Variants in RDX observed in about 807,000 individuals in gnomAD.
RDX encodes radixin.
Under a neutral mutation model 83.7 loss-of-function variants are expected in RDX, and 32 were observed. The observed-to-expected ratio is 0.38, with a 90% CI of 0.29 to 0.51. RDX has a LOEUF of 0.51. Among genes scored for constraint, RDX ranks in the 20% least tolerant of loss-of-function variants. The pLI is 0.87. For synonymous variants in RDX, 229 were observed against 222.7 expected (o/e 1.03, Z -0.25); for missense variants, 600 against 689.9 (o/e 0.87, Z 1.46).
At chr11:110,294,377 G>C (rs1198907060) in intron 1 of RDX, among the ~76,000 whole-genome samples, 2 of 152,252 alleles carry the variant, frequency 1.3e-5, no homozygotes, top group Non-Finnish European at 1.5e-5. Context: ...CTGGGAGACA[G>C]AGCGAGATGG....
chr11:110,259,004 T>A (rs774352150), intron 5 of RDX, among the ~76,000 whole-genome samples: 3 of 151,874 alleles, frequency 2.0e-5, no homozygotes, highest in Non-Finnish European at 2.9e-5. Flanking sequence ...CCCAAGTAGC[T>A]GGGATTATAG....
chr11:110,274,860 A>T (rs2134410386), intron 2 of RDX, among the ~76,000 whole-genome samples: 1 of 152,326 alleles, frequency 6.6e-6, no homozygotes. Flanking sequence ...TTTGGCTATT[A>T]AGAACAATAC....
intron 1 of RDX, among the ~76,000 whole-genome samples, chr11:110,286,289 AG>A (rs1196480897): frequency 6.6e-6 from 1 of 152,240 alleles, no homozygotes; most frequent in Non-Finnish European, 1.5e-5. Context: ...AGATGCTGCC[AG>A]CCAGCAAACG....
At chr11:110,275,335 T>G (rs1017712922) in intron 2 of RDX, among the ~76,000 whole-genome samples, 11 of 152,232 alleles carry the variant, frequency 7.2e-5, no homozygotes, top group African/African-American at 2.7e-4. Flanking sequence ...AATCAATTTA[T>G]CTGGCTGGTT....
At chr11:110,215,349 C>T (rs1381311559) in intron 14 of RDX, among the ~76,000 whole-genome samples, 1 of 147,076 alleles carries the variant, frequency 6.8e-6, no homozygotes, top group Non-Finnish European at 1.5e-5. Context: ...GGCAACAGAG[C>T]GAGACTCCAT....
intron 11 of RDX, 35 bp from the exon 12 acceptor site, chr11:110,236,226 ACATATTT>A: frequency 6.7e-7 from 1 of 1,489,290 alleles, no homozygotes; most frequent in Non-Finnish European, 9.3e-7. Context: ...AATTAAAATA[ACATATTT>A]TGAATAATCT....
intron 9 of RDX, among the ~76,000 whole-genome samples, chr11:110,249,610 G>C (rs1859246022): frequency 6.6e-6 from 1 of 152,154 alleles, no homozygotes; most frequent in Admixed American, 6.5e-5. Flanking sequence ...TAGAGAGGCT[G>C]GGCATGGTGG....
intron 14 of RDX, among the ~76,000 whole-genome samples, chr11:110,222,470 G>T (rs1864282322): frequency 6.6e-6 from 1 of 152,166 alleles, no homozygotes; most frequent in African/African-American, 2.4e-5. Context: ...CAAAATGGAA[G>T]TATTATCTCA....
chr11:110,271,842 G>A (rs1159925714), intron 3 of RDX, among the ~76,000 whole-genome samples: 2 of 152,096 alleles, frequency 1.3e-5, no homozygotes, highest in African/African-American at 4.8e-5. Flanking sequence ...TACAGGTTGA[G>A]CATCCCTAAT....
chr11:110,243,503 G>A (rs1475853400), intron 10 of RDX, among the ~76,000 whole-genome samples: 1 of 152,148 alleles, frequency 6.6e-6, no homozygotes, highest in Non-Finnish European at 1.5e-5. Context: ...GATCACTTGA[G>A]GCCAGGAGTT....
chr11:110,190,308 T>C (rs1011119041), intron 15 of RDX, among the ~76,000 whole-genome samples: 4 of 151,920 alleles, frequency 2.6e-5, no homozygotes, highest in Non-Finnish European at 4.4e-5. Context: ...GGCATTGTGG[T>C]GCATGCCTGT....
intron 15 of RDX, among the ~76,000 whole-genome samples, chr11:110,182,322 C>T (rs1017366519): frequency 6.6e-6 from 1 of 152,196 alleles, no homozygotes; most frequent in Non-Finnish European, 1.5e-5. Context: ...ATGAATGTGG[C>T]CGGGCATGGT....
chr11:110,184,740 GT>G (rs1472555584), intron 15 of RDX, among the ~76,000 whole-genome samples: 1 of 152,210 alleles, frequency 6.6e-6, no homozygotes, highest in Non-Finnish European at 1.5e-5. Context: ...AGGATGTGTG[GT>G]CAACAACACG....
At chr11:110,183,991 G>T (rs940776093) in intron 15 of RDX, among the ~76,000 whole-genome samples, 1 of 152,176 alleles carries the variant, frequency 6.6e-6, no homozygotes, top group Non-Finnish European at 1.5e-5. Context: ...GCCTATCCCT[G>T]CTAGATGTCA....
chr11:110,278,692 CT>C (rs912621883), intron 2 of RDX, among the ~76,000 whole-genome samples: 1 of 151,916 alleles, frequency 6.6e-6, no homozygotes, highest in African/African-American at 2.4e-5. Context: ...AGGAAATTTT[CT>C]TTTTGATCTT....
chr11:110,296,505 G>A lies in RDX; in HGVS notation c.-103C>T, dbSNP rs1296299410. The A allele has an allele frequency of 1.3e-5, 2 of 151,492 alleles. No individual in the cohort carries two copies. The highest frequency in any genetic ancestry group is 2.4e-5 in the African/African-American group (1 of 41,356). The allele number at this position is 151,492 out of a possible 1,614,324, so 9.4% of individuals were successfully genotyped here. A position where few individuals can be genotyped will look rare whatever the true frequency, so the allele number is the denominator to read the frequency against. ...GGCTTCTGCCCGCCGGCGTGTGGCT[G>A]GGGCGCTGCGCGGCGGCGCGGCTGC... On this transcript the variant is annotated 5_prime_UTR_variant, in exon 1 of 14. Coordinates refer to ENST00000645495, the MANE Select transcript of RDX (RefSeq NM_002906.4).
At chr11:110,189,165 T>G (rs921955709) in intron 15 of RDX, among the ~76,000 whole-genome samples, 1 of 141,898 alleles carries the variant, frequency 7.0e-6, no homozygotes, top group Non-Finnish European at 1.5e-5. Context: ...GGAAGATCTA[T>G]CATGCAAATG....
intron 15 of RDX, among the ~76,000 whole-genome samples, chr11:110,188,417 C>T (rs1403735664): frequency 6.6e-6 from 1 of 151,764 alleles, no homozygotes. Flanking sequence ...AATGGAAAAG[C>T]GAACATCGTA....
intron 4 of RDX, among the ~76,000 whole-genome samples, chr11:110,264,537 TCTG>T (rs1859940276): frequency 6.6e-6 from 1 of 152,086 alleles, no homozygotes; most frequent in Non-Finnish European, 1.5e-5. Flanking sequence ...ATTTGTAATA[TCTG>T]CTTTAATATT....
Sources: allele counts gnomAD v4.1 joint callset (sites outside exome capture counted in the v4.1 genomes callset), GRCh38; gene constraint gnomAD v4.1.1; transcripts MANE v1.5; gene names NCBI Gene and HGNC (gene_info 2026-07-23, HGNC 2026-07-21).